AGAP3: variants seen among roughly 807,000 people sequenced by gnomAD.
AGAP3 encodes the protein ArfGAP with GTPase domain, ankyrin repeat and PH domain 3, also known as arf-GAP with GTPase, ANK repeat and PH domain-containing protein 3.
Under a neutral mutation model 96.9 loss-of-function variants are expected in AGAP3, and 24 were observed. The ratio of observed to expected loss-of-function variants is 0.25; its 90% CI spans 0.18 to 0.35. The LOEUF is 0.35. Among genes scored for constraint, AGAP3 ranks in the 10% least tolerant of loss-of-function variants. AGAP3 has a pLI of 1.00. For synonymous variants in AGAP3, 563 were observed against 536.1 expected (o/e 1.05, Z -0.69); for missense variants, 876 against 1,254.2 (o/e 0.70, Z 4.55).
At position 151,138,216 on chromosome 7, in the gene AGAP3, G is replaced by A. The variant is rs756481824; in HGVS notation, c.1569G>A (p.Pro523=). The change falls in exon 12 of 18, where the codon CCG becomes CCA. Residue 523 remains proline (P), a synonymous_variant. Coordinates refer to ENST00000397238, the MANE Select transcript of AGAP3 (RefSeq NM_031946.7). ...TCAGCAGCTCGGCCTGGGCTGGCCCGCGCCCTGAGGGGCTGCACCAGCGCT... is the reference window on the plus strand; with the variant it reads ...TCAGCAGCTCGGCCTGGGCTGGCCCACGCCCTGAGGGGCTGCACCAGCGCT... ...RPLSSSAWAG[P]RPEGLHQRSC... 1.4e-5 allele frequency: 22 copies of A among 1,611,662 alleles called. No homozygotes were observed. The highest frequency in any genetic ancestry group is 6.7e-5 in the East Asian group (3 of 44,836).
Position 151,143,642 on chromosome 7 carries a change from C to G in AGAP3, c.2529+46C>G, listed in dbSNP as rs764948317. 85 of 1,600,956 alleles carry G rather than the reference C, an allele frequency of 5.3e-5. No individual in the cohort carries two copies. The highest frequency in any genetic ancestry group is 6.5e-5 in the Non-Finnish European group (76 of 1,171,884). ...CTGCCCTGACCTCGCTCTTCTTAGC[C>G]TTGTTCTTTGAAAGCAACCTCTTCT... On this transcript the variant is annotated intron_variant, in intron 17 of 17. Coordinates refer to ENST00000397238, the MANE Select transcript of AGAP3 (RefSeq NM_031946.7). The surrounding 1 kb of genome is among the most constrained non-coding windows in gnomAD (Gnocchi z 5.9).
Position 151,114,697 on chromosome 7 carries a change from C to T in AGAP3, c.332-2096C>T, listed in dbSNP as rs773611115. Reference sequence around the variant, plus strand: ...CCAGAGGCCGGAGGTCCGTGCGCCCCGGCCGCGGCCCCGGCCCGGGCCCAG... The same window carrying T: ...CCAGAGGCCGGAGGTCCGTGCGCCCTGGCCGCGGCCCCGGCCCGGGCCCAG... On this transcript the variant is annotated intron_variant, in intron 1 of 17. Transcript: ENST00000397238. The surrounding 1 kb of genome is among the most constrained non-coding windows in gnomAD (Gnocchi z 4.4). 5.1e-4 allele frequency: 511 copies of T among 994,790 alleles called. No individual in the cohort carries two copies. Among genetic ancestry groups the T allele is most frequent in the Non-Finnish European group, 5.8e-4 (484 of 836,492 alleles). 61.6% of individuals were successfully genotyped at this position (994,790 alleles called of 1,614,324 possible).
intron 1 of AGAP3, among the ~76,000 whole-genome samples, chr7:151,092,574 C>G (rs1798442854): frequency 6.6e-6 from 1 of 152,206 alleles, no homozygotes; most frequent in Non-Finnish European, 1.5e-5. Context: ...CGTGAATGTT[C>G]TTCCCTCTGC....
chr7:151,113,285 G>A (rs1799378999), intron 1 of AGAP3, among the ~76,000 whole-genome samples: 1 of 152,226 alleles, frequency 6.6e-6, no homozygotes, highest in Non-Finnish European at 1.5e-5. Flanking sequence ...CCATTGTGGG[G>A]GGAACATGCA....
intron 1 of AGAP3, among the ~76,000 whole-genome samples, chr7:151,102,968 G>A (rs912596043): frequency 6.6e-6 from 1 of 152,212 alleles, no homozygotes; most frequent in African/African-American, 2.4e-5. Flanking sequence ...TGTAGTCTCA[G>A]CCACATGGGA....
At position 151,118,492 on chromosome 7, in the gene AGAP3, C is replaced by T; in HGVS notation, c.842-13C>T. 1 of 1,614,060 alleles carries T rather than the reference C, an allele frequency of 6.2e-7. No homozygotes were observed. On this transcript the variant is annotated splice_polypyrimidine_tract_variant and intron_variant, in intron 6 of 17. Transcript: ENST00000397238. This position sits in a 1 kb window ranked among gnomAD's most constrained non-coding sequence, Gnocchi z 6.1. ...TCTCCAGTGGGTATAATTGACTCTG[C>T]TGTCCCCTGCAGTGGCCCAGAAGGT...
chr7:151,112,435 G>C (rs1478429251), intron 1 of AGAP3, among the ~76,000 whole-genome samples: 2 of 143,700 alleles, frequency 1.4e-5, no homozygotes, highest in East Asian at 4.1e-4. Flanking sequence ...GTGTGTGTGT[G>C]TCCAGCATGT....
intron 8 of AGAP3, among the ~76,000 whole-genome samples, chr7:151,122,238 C>T (rs1799929836): frequency 1.3e-5 from 2 of 152,224 alleles, no homozygotes; most frequent in South Asian, 4.1e-4. Context: ...GCCGTGGAGC[C>T]CAGGAGGGGA....
Position 151,123,847 on chromosome 7 carries a change from G to A in AGAP3, c.1182G>A (p.Val394=). ...DREKKAAECK[V]DSIGSGRAIP... ...AGAAGAAGGCTGCCGAGTGCAAGGT[G>A]GACAGCATCGGGAGCGGCCGCGCCA... The change falls in exon 9 of 18, where the codon GTG becomes GTA. Residue 394 remains valine (V), a synonymous_variant. Coordinates refer to ENST00000397238, the MANE Select transcript of AGAP3 (RefSeq NM_031946.7). 6.2e-7 allele frequency: 1 copy of A among 1,611,992 alleles called. No individual in the cohort carries two copies. The highest frequency in any genetic ancestry group is 1.1e-5 in the South Asian group (1 of 91,080).
chr7:151,127,000 G>T (rs1347151662), intron 9 of AGAP3, among the ~76,000 whole-genome samples: 1 of 152,210 alleles, frequency 6.6e-6, no homozygotes, highest in Non-Finnish European at 1.5e-5. Context: ...TGTGAAACGT[G>T]CTGGAAAGTC....
chr7:151,111,026 T>C (rs1799258314), intron 1 of AGAP3, among the ~76,000 whole-genome samples: 1 of 151,892 alleles, frequency 6.6e-6, no homozygotes, highest in Non-Finnish European at 1.5e-5. Flanking sequence ...CTGAGCGCTC[T>C]CCCCCCGCCC....
At chr7:151,134,079 C>T (rs372726068) in intron 10 of AGAP3, among the ~76,000 whole-genome samples, 11 of 152,288 alleles carry the variant, frequency 7.2e-5, no homozygotes, top group African/African-American at 2.6e-4. Flanking sequence ...CCCAGCCTGG[C>T]CCAGCACTTG....
chr7:151,122,536 GTCC>G (rs1043060136), intron 8 of AGAP3, among the ~76,000 whole-genome samples: 1 of 150,078 alleles, frequency 6.7e-6, no homozygotes, highest in Non-Finnish European at 1.5e-5. Context: ...CCTCCTCCTG[GTCC>G]TCCTCCTTCT....
intron 1 of AGAP3, among the ~76,000 whole-genome samples, chr7:151,104,601 G>A (rs565850197): frequency 6.6e-6 from 1 of 152,212 alleles, no homozygotes; most frequent in Non-Finnish European, 1.5e-5. Flanking sequence ...CATCAGAAGC[G>A]CCAGGGACTG....
chr7:151,144,323 C>T lies in AGAP3; in HGVS notation c.*380C>T, dbSNP rs2303944. 3.8e-5 allele frequency: 10 copies of T among 264,634 alleles called. No homozygotes were observed. Among genetic ancestry groups the T allele is most frequent in the East Asian group, 2.5e-4 (3 of 11,806 alleles). 16.4% of individuals were successfully genotyped at this position (264,634 alleles called of 1,614,324 possible). A position where few individuals can be genotyped will look rare whatever the true frequency, so the allele number is the denominator to read the frequency against. ...AGTTGGGGGTGCTGGATGAAAGAGA[C>T]GAGGGGTGATCTGTGAGTCCCATGT... On this transcript the variant is annotated 3_prime_UTR_variant, in exon 18 of 18. Transcript: ENST00000397238.
intron 1 of AGAP3, among the ~76,000 whole-genome samples, chr7:151,109,091 G>T (rs1799172897): frequency 6.6e-6 from 1 of 150,940 alleles, no homozygotes; most frequent in Non-Finnish European, 1.5e-5. Flanking sequence ...ACTTTGGAAG[G>T]TCAAGGCCAG....
chr7:151,091,234 T>TG (rs2150404609), intron 1 of AGAP3, among the ~76,000 whole-genome samples: 1 of 152,292 alleles, frequency 6.6e-6, no homozygotes, highest in African/African-American at 2.4e-5. Flanking sequence ...TGGGGGGGTC[T>TG]GGGATGGGTG....
chr7:151,138,351 GC>G, intron 12 of AGAP3, 38 bp downstream of exon 12: 1 of 1,573,342 alleles, frequency 6.4e-7, no homozygotes. Flanking sequence ...CTTTTCTGGG[GC>G]CCCAGTGACA....
intron 8 of AGAP3, chr7:151,120,693 G>C (rs1204403119): frequency 1.1e-5 from 14 of 1,243,238 alleles, no homozygotes; most frequent in Non-Finnish European, 1.5e-5. Flanking sequence ...TTTAACAAAG[G>C]CTTAGCCATC....
Sources: gnomAD v4.1 joint callset for allele counts (sites outside exome capture counted in the v4.1 genomes callset) on GRCh38, gnomAD v4.1.1 for gene constraint, Gnocchi (gnomAD v3.1) non-coding constraint, MANE v1.5 for transcripts, NCBI Gene and HGNC (gene_info 2026-07-23, HGNC 2026-07-21) for gene names.